The following CAD variants were observed in gnomAD, a reference collection of about 807,000 sequenced individuals.
CAD encodes the protein multifunctional protein CAD.
A neutral mutation model predicts 237.2 loss-of-function variants in CAD; 81 were observed. The observed-to-expected ratio is 0.34, with a 90% CI of 0.29 to 0.41. The LOEUF is 0.41. Among genes scored for constraint, CAD ranks in the 10% least tolerant of loss-of-function variants. CAD has a pLI of 1.00. For synonymous variants in CAD, 1,196 were observed against 1,162.8 expected, an observed-to-expected ratio of 1.03 and a Z score of -0.58; for missense variants, 2,181 against 2,951.7, an observed-to-expected ratio of 0.74 and a Z score of 6.05.
Position 27,217,983 on chromosome 2 carries a change from C to T in CAD, c.189C>T (p.Pro63=). The part of the protein sequence containing the change: ...TYPLIGNYGI[P]PDEMDEFGLC... Reference sequence around the variant, plus strand: ...CTCTGATCGGCAACTATGGCATCCCCCCAGATGAAATGGATGAGTTCGGTC... The same window carrying T: ...CTCTGATCGGCAACTATGGCATCCCTCCAGATGAAATGGATGAGTTCGGTC... The change falls in exon 2 of 44, where the codon CCC becomes CCT. Residue 63 remains proline, a synonymous_variant. Coordinates refer to ENST00000264705, the MANE Select transcript of CAD (RefSeq NM_004341.5). 1 of 1,611,718 alleles carries T rather than the reference C, an allele frequency of 6.2e-7. No homozygotes were observed. The highest frequency in any genetic ancestry group is 8.5e-7 in the Non-Finnish European group (1 of 1,178,692).
intron 11 of CAD, 124 bp from the exon 12 acceptor site, chr2:27,225,581 G>A: frequency 1.5e-6 from 1 of 674,804 alleles, no homozygotes; most frequent in African/African-American, 1.9e-5. Flanking sequence ...CAAATTGCTG[G>A]GGTTACAGGC....
chr2:27,220,542 C>G (rs899981006), intron 2 of CAD, among the ~76,000 whole-genome samples: 1 of 151,616 alleles, frequency 6.6e-6, no homozygotes, highest in Non-Finnish European at 1.5e-5. Flanking sequence ...CCCAACTACT[C>G]AGGAGTCTGA....
At position 27,235,195 on chromosome 2, in the gene CAD, A is replaced by G. The variant is rs780764744; in HGVS notation, c.3787-50A>G. On this transcript the variant is annotated intron_variant, in intron 23 of 43. Coordinates refer to ENST00000264705, the MANE Select transcript of CAD (RefSeq NM_004341.5). This position sits in a 1 kb window ranked among gnomAD's most constrained non-coding sequence, Gnocchi z 5.2. ...CTGTGTCCGTCTCTGCTGGTGAGGG[A>G]GGAGGTCCTCTCACACCTTGGCCCT... 56 of 1,496,680 alleles carry G rather than the reference A, an allele frequency of 3.7e-5. No individual in the cohort carries two copies. Among genetic ancestry groups the G allele is most frequent in the Admixed American group, 5.7e-5 (3 of 52,508 alleles). 92.7% of individuals were successfully genotyped at this position (1,496,680 alleles called of 1,614,324 possible).
rs1204027003 is a variant in CAD, at chr2:27,238,037, C to T, written c.4729-19C>T. 1 of 1,613,648 alleles carries T rather than the reference C, an allele frequency of 6.2e-7. No individual in the cohort carries two copies. Among genetic ancestry groups the T allele is most frequent in the Non-Finnish European group, 8.5e-7 (1 of 1,179,704 alleles). On this transcript the variant is annotated intron_variant, in intron 29 of 43. Coordinates refer to ENST00000264705, the MANE Select transcript of CAD (RefSeq NM_004341.5). ...TCAGAGATTCTGCACACTCCTTCAT[C>T]AGTTCTTTCTGCTCCCAGCATTTCG... is the stretch of plus-strand genomic sequence containing the variant.
rs778259431 is a variant in CAD, at chr2:27,236,798, G to C, written c.4364G>C (p.Cys1455Ser). 6.2e-7 allele frequency: 1 copy of C among 1,614,164 alleles called. No individual in the cohort carries two copies. Among genetic ancestry groups the C allele is most frequent in the South Asian group, 1.1e-5 (1 of 91,086 alleles). The change falls in exon 27 of 44, where the codon TGT becomes TCT. Residue 1455 changes from cysteine (C) to serine (S), a missense_variant. Physicochemically the swap from Cys to Ser is moderately radical, Grantham distance 112 (BLOSUM62 -1). This residue lies in a region of CAD where 306 missense variants were observed against 607.9 expected (regional missense o/e 0.50). Transcript: ENST00000264705. The surrounding 1 kb of genome is among the most constrained non-coding windows in gnomAD (Gnocchi z 4.1). ...CCTCCTTTGAAGGTGCATGTTGACTGTATGACCTCCCAAAAGCTTGTGCGA... is the reference window on the plus strand; with the variant it reads ...CCTCCTTTGAAGGTGCATGTTGACTCTATGACCTCCCAAAAGCTTGTGCGA... ...PAPPLKVHVD[C>S]MTSQKLVRLP... is the part of the protein sequence containing the mutation.
At chr2:27,223,531 G>A (rs1255093357) in intron 6 of CAD, 32 bp from the exon 7 acceptor site, 1 of 1,603,986 alleles carries the variant, frequency 6.2e-7, no homozygotes, top group African/African-American at 1.3e-5. Flanking sequence ...AGGGTGAGCA[G>A]GGCCTGTGAC....
intron 23 of CAD, 115 bp downstream of exon 23, chr2:27,234,800 G>A (rs558814376): frequency 7.9e-5 from 79 of 1,004,258 alleles, no homozygotes; most frequent in East Asian, 4.5e-4. Flanking sequence ...TTGCCGGATC[G>A]TGGGGGTAAT....
chr2:27,243,171 C>CATT, intron 42 of CAD, 27 bp from the exon 43 acceptor site: 1 of 1,610,392 alleles, frequency 6.2e-7, no homozygotes, highest in Non-Finnish European at 8.5e-7. Flanking sequence ...CCCCAAGGCA[C>CATT]TAATGGGGAC....
Position 27,236,274 on chromosome 2 carries a change from G to C in CAD, c.4075-10G>C. ...ACAGCTTGGCCCTGACCTTGACTCC[G>C]GGTTGGCAGGTAACAGCTGTGGACT... On this transcript the variant is annotated splice_polypyrimidine_tract_variant and intron_variant, in intron 25 of 43. Coordinates refer to ENST00000264705, the MANE Select transcript of CAD (RefSeq NM_004341.5). The surrounding 1 kb of genome is among the most constrained non-coding windows in gnomAD (Gnocchi z 4.1). 1 of 1,611,922 alleles carries C rather than the reference G, an allele frequency of 6.2e-7. No homozygotes were observed. Among genetic ancestry groups the C allele is most frequent in the Non-Finnish European group, 8.5e-7 (1 of 1,178,442 alleles).
rs1026854469 is a variant in CAD, at chr2:27,239,637, A to G, written c.5395-60A>G. The stretch of plus-strand genomic sequence containing the variant: ...GTGCTTTTTGTCCTTGCTGACATCT[A>G]CCCCTTTAGGACCTGAGTTCTCTCT... On this transcript the variant is annotated intron_variant, in intron 33 of 43. Coordinates refer to ENST00000264705, the MANE Select transcript of CAD (RefSeq NM_004341.5). The surrounding 1 kb of genome is among the most constrained non-coding windows in gnomAD (Gnocchi z 4.0). 1.3e-5 allele frequency: 19 copies of G among 1,491,388 alleles called. No homozygotes were observed. Among genetic ancestry groups the G allele is most frequent in the African/African-American group, 1.1e-4 (8 of 71,800 alleles). The allele number at this position is 1,491,388 out of a possible 1,614,324, so 92.4% of individuals were successfully genotyped here. A position where few individuals can be genotyped will look rare whatever the true frequency, so the allele number is the denominator to read the frequency against.
chr2:27,240,376 C>T lies in CAD; in HGVS notation c.5593+15C>T, dbSNP rs1676255345. The T allele has an allele frequency of 6.2e-7, 1 of 1,610,644 alleles. No individual in the cohort carries two copies. The highest frequency in any genetic ancestry group is 1.7e-5 in the Admixed American group (1 of 59,990). On this transcript the variant is annotated intron_variant, in intron 35 of 43. Transcript: ENST00000264705. The surrounding 1 kb of genome is among the most constrained non-coding windows in gnomAD (Gnocchi z 4.6). The stretch of plus-strand genomic sequence containing the variant: ...AGGTTTGCCAGGTAAGAGTGGGGTT[C>T]CTGTGACTCAGAGACTGTGTAGGGA...
At chr2:27,223,345 C>T (rs943573043) in intron 6 of CAD, among the ~76,000 whole-genome samples, 1 of 151,552 alleles carries the variant, frequency 6.6e-6, no homozygotes, top group East Asian at 1.9e-4. Flanking sequence ...GCAGGAGAAT[C>T]GCTTGAACCT....
In CAD at chr2:27,239,742, CA is replaced by C; in HGVS notation, c.5441del (p.Gln1814ArgfsTer17). On this transcript the variant is annotated frameshift_variant, in exon 34 of 44. Coordinates refer to ENST00000264705, the MANE Select transcript of CAD (RefSeq NM_004341.5). LOFTEE classifies it high-confidence loss of function. The surrounding 1 kb of genome is among the most constrained non-coding windows in gnomAD (Gnocchi z 4.0). ...TGGACAGGATGTACGGAAGTGGCCA[CA>C]GGGGGCTGTTCCTCAGCTCCCACCC... ...GYGQDVRKWP[Q>X]GAVPQLPPSA... 3.1e-6 allele frequency: 5 copies of C among 1,593,232 alleles called. No homozygotes were observed. The highest frequency in any genetic ancestry group is 4.3e-6 in the Non-Finnish European group (5 of 1,169,268).
rs906334985 is a variant in CAD, at chr2:27,240,565, A to T, written c.5593+204A>T. ...TCACATGCCCTTTTTTGTTGTGGGC[A>T]GCTGTGTTCCTCCGCCCAGGAGCTG... On this transcript the variant is annotated intron_variant, in intron 35 of 43. Transcript: ENST00000264705. The surrounding 1 kb of genome is among the most constrained non-coding windows in gnomAD (Gnocchi z 4.6). 1 of 1,547,204 alleles carries T rather than the reference A, an allele frequency of 6.5e-7. No individual in the cohort carries two copies. The highest frequency in any genetic ancestry group is 1.4e-5 in the African/African-American group (1 of 73,086).
chr2:27,231,567 C>G lies in CAD; in HGVS notation c.2387C>G (p.Pro796Arg). 6.2e-7 allele frequency: 1 copy of G among 1,610,448 alleles called. No homozygotes were observed. Residue 796 changes from proline to arginine, a missense_variant, in exon 16 of 44, where the codon CCA becomes CGA. This residue lies in a region of CAD where 385 missense variants were observed against 535.1 expected (regional missense o/e 0.72). Coordinates refer to ENST00000264705, the MANE Select transcript of CAD (RefSeq NM_004341.5). ...GTGGGCTTTGATCACACAGTGAAAC[C>G]AGTCAGCGATATGGTAAGTAGCTCC... ...NCVGFDHTVK[P>R]VSDMELETPT... is the part of the protein sequence containing the mutation.
chr2:27,225,550 C>CCCCG (rs1553367505), intron 11 of CAD, among the ~76,000 whole-genome samples, 155 bp from the exon 12 acceptor site: 8 of 67,718 alleles, frequency 1.2e-4, no homozygotes, highest in Middle Eastern at 7.7e-3. Context: ...AGGTGATCCA[C>CCCCG]CCCCCCGACC....
chr2:27,222,331 A>T lies in CAD; in HGVS notation c.490A>T (p.Ile164Phe), dbSNP rs767215684. Residue 164 changes from isoleucine to phenylalanine, a missense_variant, in exon 4 of 44, where the codon ATT becomes TTT. Around this residue, in one of 12 missense-constraint regions of CAD, gnomAD observed 314 missense variants for 339.4 expected, o/e 0.93. Transcript: ENST00000264705. ...CCGCCCCCTGGTACCAGAGGTCTCC[A>T]TTAAGGTACAGAGGTAGAGTGGGAG... ...NARPLVPEVS[I>F]KTPRVFNTGG... is the part of the protein sequence containing the mutation. 4 of 1,610,928 alleles carry T rather than the reference A, an allele frequency of 2.5e-6. No homozygotes were observed. Among genetic ancestry groups the T allele is most frequent in the Non-Finnish European group, 3.4e-6 (4 of 1,177,486 alleles).
intron 2 of CAD, among the ~76,000 whole-genome samples, 174 bp downstream of exon 2, chr2:27,218,190 C>CT (rs753418090): frequency 3.2e-4 from 48 of 152,184 alleles, no homozygotes; most frequent in Non-Finnish European, 6.2e-4. Context: ...TGTTAAGTGC[C>CT]TTGGGAGGCA....
In CAD at chr2:27,243,306, A is replaced by G. The variant is rs376919562; in HGVS notation, c.6575+14A>G. On this transcript the variant is annotated intron_variant, in intron 43 of 43. Transcript: ENST00000264705. ...CAACGAGATAAGGTGGTGCAGCATC[A>G]GAGTCAGAGACTGCCTCGGGGCTGG... 1 of 1,613,440 alleles carries G rather than the reference A, an allele frequency of 6.2e-7. No individual in the cohort carries two copies. Among genetic ancestry groups the G allele is most frequent in the Admixed American group, 1.7e-5 (1 of 59,994 alleles).
Sources: gnomAD v4.1 joint callset for allele counts (sites outside exome capture counted in the v4.1 genomes callset) on GRCh38, gnomAD v4.1.1 for gene constraint, gnomAD v4.1.1 regional missense constraint, Gnocchi (gnomAD v3.1) non-coding constraint, MANE v1.5 for transcripts, NCBI Gene and HGNC (gene_info 2026-07-23, HGNC 2026-07-21) for gene names.